Variants in HERC4 observed in about 807,000 individuals in gnomAD.
The protein encoded by HERC4 is probable E3 ubiquitin-protein ligase HERC4.
HERC4 carries 28 observed loss-of-function variants against 124.3 expected under a neutral mutation model. The observed-to-expected ratio is 0.23, with a 90% CI of 0.17 to 0.31. The LOEUF is 0.31. Among genes scored for constraint, HERC4 ranks in the 10% least tolerant of loss-of-function variants. The pLI is 1.00. For synonymous variants in HERC4, 407 were observed against 421.5 expected, an observed-to-expected ratio of 0.97 and a Z score of 0.42; for missense variants, 713 against 1,229.3, an observed-to-expected ratio of 0.58 and a Z score of 6.28.
At chr10:67,995,135 G>A in intron 9 of HERC4, 1 of 357,502 alleles carries the variant, frequency 2.8e-6, no homozygotes, top group South Asian at 2.2e-5. Flanking sequence ...GTAAATTGGT[G>A]GTTGAATCTA....
At chr10:67,952,501 C>A (rs2033864688) in intron 19 of HERC4, among the ~76,000 whole-genome samples, 1 of 152,018 alleles carries the variant, frequency 6.6e-6, no homozygotes, top group Non-Finnish European at 1.5e-5. Flanking sequence ...CTAGACTGGT[C>A]TTGGACTCCT....
At chr10:68,028,264 G>A (rs766846321) in intron 7 of HERC4, among the ~76,000 whole-genome samples, 7 of 150,944 alleles carry the variant, frequency 4.6e-5, no homozygotes, top group Non-Finnish European at 8.9e-5. Flanking sequence ...AAAAAAAAAT[G>A]AGTGTTGTCC....
At chr10:68,022,691 A>C (rs913690989) in intron 8 of HERC4, among the ~76,000 whole-genome samples, 7 of 151,932 alleles carry the variant, frequency 4.6e-5, no homozygotes, top group African/African-American at 1.7e-4. Context: ...AAATAAACAA[A>C]CTGGACTTTA....
At chr10:68,013,793 T>C (rs1258497975) in intron 9 of HERC4, among the ~76,000 whole-genome samples, 2 of 152,256 alleles carry the variant, frequency 1.3e-5, no homozygotes, top group Non-Finnish European at 2.9e-5. Context: ...AGCCATCTTC[T>C]AGTTCCCATA....
chr10:68,019,842 T>C (rs559650775), intron 8 of HERC4, among the ~76,000 whole-genome samples: 261 of 152,326 alleles, frequency 1.7e-3, no homozygotes, highest in South Asian at 5.6e-3. Context: ...CCCTGATCAA[T>C]GATTGGTGCT....
At position 67,956,864 on chromosome 10, in the gene HERC4, AAAT is replaced by A. The variant is rs778857940; in HGVS notation, c.2025+11_2025+13del. ...AACAATTAAAAAAAAAAACCCTCTC[AAAT>A]AATATTTTACCTGCATCTGTAAGAC... On this transcript the variant is annotated intron_variant, in intron 17 of 24. Transcript: ENST00000373700. 2 of 1,502,738 alleles carry A rather than the reference AAAT, an allele frequency of 1.3e-6. No homozygotes were observed. Among genetic ancestry groups the A allele is most frequent in the Non-Finnish European group, 1.8e-6 (2 of 1,112,340 alleles). The allele number at this position is 1,502,738 out of a possible 1,614,324, so 93.1% of individuals were successfully genotyped here. A position where few individuals can be genotyped will look rare whatever the true frequency, so the allele number is the denominator to read the frequency against.
chr10:68,061,880 A>T (rs2451403), intron 3 of HERC4, among the ~76,000 whole-genome samples: 22 of 38,552 alleles, frequency 5.7e-4, no homozygotes, highest in African/African-American at 3.7e-3. Flanking sequence ...GACTCCATTT[A>T]AAAAAAAAAA....
chr10:67,923,117 GC>G lies in HERC4; in HGVS notation c.2963del (p.Arg988ProfsTer7). 1 of 1,613,516 alleles carries G rather than the reference GC, an allele frequency of 6.2e-7. No individual in the cohort carries two copies. The highest frequency in any genetic ancestry group is 8.5e-7 in the Non-Finnish European group (1 of 1,179,788). ...GACTCTTCATACCAAGAATAGGAAT[GC>G]GATCACTACCTGTCAAAAATACTGC... ...QFLLFLTGSD[R>X]IPILGMKSLK... On this transcript the variant is annotated frameshift_variant, in exon 25 of 25. Transcript: ENST00000373700. LOFTEE classifies it high-confidence loss of function.
rs1564609678 is a variant in HERC4, at chr10:68,059,826, A to ATT, written c.226+13056_226+13057insAA. Among the ~76,000 whole-genome samples, 5 of 62,788 alleles carry ATT rather than the reference A, an allele frequency of 8.0e-5. 1 individual carries two copies. In the African/African-American group the frequency reaches 8.9e-4, roughly 11 times the overall value. 41.2% of individuals were successfully genotyped at this position (62,788 alleles called of 152,430 possible). ...TATATATTATAATATTATATATCATAATATTATATATTATAATATATTATA... is the reference window on the plus strand; with the variant it reads ...TATATATTATAATATTATATATCATATTATATTATATATTATAATATATTATA... On this transcript the variant is annotated intron_variant, in intron 3 of 24. Transcript: ENST00000373700.
chr10:68,031,010 C>T (rs1470764353), intron 7 of HERC4, among the ~76,000 whole-genome samples: 4 of 152,012 alleles, frequency 2.6e-5, no homozygotes, highest in Non-Finnish European at 5.9e-5. Flanking sequence ...AAAAGCAAGA[C>T]ATATGGATAT....
At chr10:67,990,451 T>TCAAA in intron 13 of HERC4, 51 bp from the exon 14 acceptor site, 3 of 598,960 alleles carry the variant, frequency 5.0e-6, no homozygotes, top group South Asian at 7.1e-5. Context: ...GAATACACTT[T>TCAAA]CAAAGAAAAA....
intron 9 of HERC4, among the ~76,000 whole-genome samples, chr10:67,997,766 C>T (rs1478419684): frequency 6.6e-6 from 1 of 152,082 alleles, no homozygotes; most frequent in African/African-American, 2.4e-5. Context: ...CATAAATTTC[C>T]TCTTTTTGGA....
chr10:68,038,104 G>A lies in HERC4; in HGVS notation c.452C>T (p.Ala151Val). 6.7e-7 allele frequency: 1 copy of A among 1,499,280 alleles called. No homozygotes were observed. Among genetic ancestry groups the A allele is most frequent in the Non-Finnish European group, 9.0e-7 (1 of 1,114,830 alleles). 92.9% of individuals were successfully genotyped at this position (1,499,280 alleles called of 1,614,324 possible). A position where few individuals can be genotyped will look rare whatever the true frequency, so the allele number is the denominator to read the frequency against. ...AAACTAATGCTTACCTTTAGAAAGT[G>A]CAAGTGAATGATAGTAACCACAAGC... ...QVACGYYHSL[A>V]LSKASEVFCW... The change falls in exon 5 of 25, where the codon GCA (alanine) becomes GTA (valine). Residue 151 changes from alanine to valine, a missense_variant. Physicochemically the swap from Ala to Val is moderately conservative, Grantham distance 64. Coordinates refer to ENST00000373700, the MANE Select transcript of HERC4 (RefSeq NM_015601.4).
intron 9 of HERC4, among the ~76,000 whole-genome samples, chr10:68,007,546 G>A (rs1392678166): frequency 6.6e-6 from 1 of 152,134 alleles, no homozygotes; most frequent in Non-Finnish European, 1.5e-5. Context: ...GCGCTGAAGA[G>A]TTAGGTATTT....
At chr10:67,951,633 C>G (rs996585611) in intron 19 of HERC4, among the ~76,000 whole-genome samples, 1 of 152,172 alleles carries the variant, frequency 6.6e-6, no homozygotes, top group African/African-American at 2.4e-5. Context: ...GCAGCTCTCA[C>G]AAATGGTGTC....
intron 9 of HERC4, among the ~76,000 whole-genome samples, chr10:68,009,177 T>C (rs985598661): frequency 6.6e-6 from 1 of 151,854 alleles, no homozygotes; most frequent in East Asian, 1.9e-4. Flanking sequence ...TAAACCGAGA[T>C]TGCACCGCTG....
intron 9 of HERC4, among the ~76,000 whole-genome samples, chr10:68,000,730 G>C (rs777858629): frequency 6.6e-6 from 1 of 152,112 alleles, no homozygotes; most frequent in Non-Finnish European, 1.5e-5. Flanking sequence ...TTATAAAAGG[G>C]GGAATTTGGA....
chr10:68,050,348 A>T (rs183625457), intron 3 of HERC4, among the ~76,000 whole-genome samples: 7 of 152,256 alleles, frequency 4.6e-5, no homozygotes, highest in African/African-American at 1.7e-4. Flanking sequence ...TTTCAAAACA[A>T]ACAATAAATA....
intron 17 of HERC4, 181 bp from the exon 18 acceptor site, chr10:67,955,311 C>G: frequency 1.9e-6 from 1 of 530,768 alleles, no homozygotes; most frequent in African/African-American, 2.0e-5. Flanking sequence ...TAAAGAGTAC[C>G]CTTTTGAATG....
Sources: allele counts gnomAD v4.1 joint callset (sites outside exome capture counted in the v4.1 genomes callset), GRCh38; gene constraint gnomAD v4.1.1; transcripts MANE v1.5; gene names NCBI Gene and HGNC (gene_info 2026-07-23, HGNC 2026-07-21).